USP37: variants seen among roughly 807,000 people sequenced by gnomAD.
The protein encoded by USP37 is ubiquitin specific peptidase 37.
A neutral mutation model predicts 124.0 loss-of-function variants in USP37; 27 were observed. The ratio of observed to expected loss-of-function variants is 0.22; its 90% CI spans 0.16 to 0.30. The LOEUF is 0.30. USP37 is among the 10% of genes least tolerant of loss of function. USP37 has a pLI of 1.00. For synonymous variants in USP37, 365 were observed against 388.0 expected (o/e 0.94, Z 0.70); for missense variants, 889 against 1,140.4 (o/e 0.78, Z 3.17).
chr2:218,458,023 G>A (rs1254374640), intron 23 of USP37, among the ~76,000 whole-genome samples: 5 of 124,496 alleles, frequency 4.0e-5, no homozygotes, highest in African/African-American at 1.6e-4. Flanking sequence ...CTGGGCGACA[G>A]AGCAAGACTC....
Position 218,454,756 on chromosome 2 carries a change from T to A in USP37, c.*174A>T. The A allele has an allele frequency of 7.4e-7, 1 of 1,352,774 alleles. No individual in the cohort carries two copies. Among genetic ancestry groups the A allele is most frequent in the Non-Finnish European group, 9.7e-7 (1 of 1,031,780 alleles). The allele number at this position is 1,352,774 out of a possible 1,614,324, so 83.8% of individuals were successfully genotyped here. A position where few individuals can be genotyped will look rare whatever the true frequency, so the allele number is the denominator to read the frequency against. ...TACGGATGTGAGACCAAAGTTTCCA[T>A]AAAATAGCATGGAGCATTCTACGTT... On this transcript the variant is annotated 3_prime_UTR_variant, in exon 26 of 26. Coordinates refer to ENST00000258399, the MANE Select transcript of USP37 (RefSeq NM_020935.3).
At chr2:218,553,764 G>A in intron 4 of USP37, 40 bp from the exon 5 acceptor site, 1 of 1,562,642 alleles carries the variant, frequency 6.4e-7, no homozygotes, top group Non-Finnish European at 8.7e-7. Context: ...AAAAATGTAT[G>A]ACAACTAAGT....
intron 20 of USP37, among the ~76,000 whole-genome samples, chr2:218,469,751 A>T (rs1690566043): frequency 6.6e-6 from 1 of 151,984 alleles, no homozygotes; most frequent in Non-Finnish European, 1.5e-5. Context: ...GCCATGAAAT[A>T]ATAATCCACT....
At chr2:218,460,091 CAA>C (rs55945023) in intron 22 of USP37, among the ~76,000 whole-genome samples, 186 bp from the exon 23 acceptor site, 8 of 118,038 alleles carry the variant, frequency 6.8e-5, no homozygotes, top group South Asian at 2.8e-4. Flanking sequence ...ACTAAAAATA[CAA>C]AAAAAAAAAA....
intron 10 of USP37, among the ~76,000 whole-genome samples, chr2:218,526,899 C>T (rs904961883): frequency 1.2e-4 from 17 of 146,048 alleles, no homozygotes; most frequent in African/African-American, 4.0e-4. Flanking sequence ...CGCCATTCAC[C>T]CGCCTCAGCC....
chr2:218,504,636 T>C (rs963197679), intron 11 of USP37, among the ~76,000 whole-genome samples: 1 of 152,222 alleles, frequency 6.6e-6, no homozygotes. Flanking sequence ...GGTCTTGCTA[T>C]GTGGCCCAGG....
chr2:218,499,843 G>A (rs1401643158), intron 11 of USP37, among the ~76,000 whole-genome samples: 3 of 152,154 alleles, frequency 2.0e-5, no homozygotes, highest in East Asian at 3.8e-4. Context: ...GTGCAGTGGT[G>A]TGATGACAAC....
At chr2:218,486,371 T>A (rs1456670157) in intron 15 of USP37, 1 of 152,210 alleles carries the variant, frequency 6.6e-6, no homozygotes, top group Non-Finnish European at 1.5e-5. Context: ...AGCAGAGTAT[T>A]TATCTTTGGG....
intron 20 of USP37, among the ~76,000 whole-genome samples, chr2:218,467,867 G>A (rs963140698): frequency 6.6e-6 from 1 of 151,550 alleles, no homozygotes; most frequent in Admixed American, 6.6e-5. Flanking sequence ...AATTGTTAGA[G>A]CAATAACATT....
chr2:218,494,176 T>C (rs1449849285), intron 14 of USP37, among the ~76,000 whole-genome samples: 3 of 152,204 alleles, frequency 2.0e-5, no homozygotes, highest in Admixed American at 6.5e-5. Context: ...GATGCAAAAC[T>C]GTCTTTATTA....
At chr2:218,548,455 C>A (rs1243451631) in intron 6 of USP37, among the ~76,000 whole-genome samples, 1 of 152,046 alleles carries the variant, frequency 6.6e-6, no homozygotes, top group Non-Finnish European at 1.5e-5. Flanking sequence ...ATTCTCCCAC[C>A]CCAGTCTTCG....
intron 4 of USP37, among the ~76,000 whole-genome samples, chr2:218,556,667 C>T (rs556693095): frequency 6.6e-6 from 1 of 152,002 alleles, no homozygotes; most frequent in South Asian, 2.1e-4. Context: ...GTGCCCACTA[C>T]CGTGCCTGCT....
At position 218,498,275 on chromosome 2, in the gene USP37, T is replaced by C. The variant is rs1689177834; in HGVS notation, c.1026-118A>G. On this transcript the variant is annotated intron_variant, in intron 11 of 25. Transcript: ENST00000258399. ...CACCTGGAGGGCTTGTTAAACTACA[T>C]ATTACTACACCCTAACCCCAAGGTT... 5.6e-6 allele frequency: 6 copies of C among 1,078,076 alleles called. No homozygotes were observed. In the South Asian group the frequency reaches 9.1e-5, roughly 16 times the overall value. 66.8% of individuals were successfully genotyped at this position (1,078,076 alleles called of 1,614,324 possible). A position where few individuals can be genotyped will look rare whatever the true frequency, so the allele number is the denominator to read the frequency against.
intron 1 of USP37, among the ~76,000 whole-genome samples, chr2:218,563,181 A>G (rs1693405093): frequency 6.9e-6 from 1 of 145,756 alleles, no homozygotes; most frequent in Non-Finnish European, 1.5e-5. Flanking sequence ...AAAAAAAAGG[A>G]AAGTGATCGT....
At chr2:218,491,240 C>T (rs914949183) in intron 14 of USP37, among the ~76,000 whole-genome samples, 1 of 152,156 alleles carries the variant, frequency 6.6e-6, no homozygotes, top group African/African-American at 2.4e-5. Flanking sequence ...AAGATGTATA[C>T]TTCCTACTAG....
chr2:218,498,210 G>A (rs1202057267), intron 11 of USP37, 53 bp from the exon 12 acceptor site: 10 of 1,515,988 alleles, frequency 6.6e-6, no homozygotes, highest in Non-Finnish European at 6.1e-6. Context: ...CCTAAAGTAT[G>A]TTCAGTATAG....
Position 218,490,570 on chromosome 2 carries a change from C to G in USP37, c.1473-2149G>C, listed in dbSNP as rs1691874610. On this transcript the variant is annotated intron_variant, in intron 14 of 25. Coordinates refer to ENST00000258399, the MANE Select transcript of USP37 (RefSeq NM_020935.3). ...TTTAGGTAATATTCATATTTCTACCCTAATTCCCTACTGTTACAGCTAAAG... is the reference window on the plus strand; with the variant it reads ...TTTAGGTAATATTCATATTTCTACCGTAATTCCCTACTGTTACAGCTAAAG... 2.0e-5 allele frequency among the ~76,000 whole-genome samples: 3 copies of G among 152,100 alleles called. No homozygotes were observed. In the South Asian group the frequency reaches 6.2e-4, roughly 32 times the overall value.
At chr2:218,459,238 G>A (rs1689874313) in intron 23 of USP37, among the ~76,000 whole-genome samples, 1 of 152,046 alleles carries the variant, frequency 6.6e-6, no homozygotes, top group Non-Finnish European at 1.5e-5. Flanking sequence ...TTTCGCTCTT[G>A]TTGCCCAGGC....
intron 4 of USP37, among the ~76,000 whole-genome samples, chr2:218,557,845 C>A (rs371288409): frequency 7.2e-6 from 1 of 138,392 alleles, no homozygotes; most frequent in Non-Finnish European, 1.5e-5. Context: ...GCAGGAGAAT[C>A]GCTTGAACCC....
Sources: allele counts gnomAD v4.1 joint callset (sites outside exome capture counted in the v4.1 genomes callset), GRCh38; gene constraint gnomAD v4.1.1; transcripts MANE v1.5; gene names NCBI Gene and HGNC (gene_info 2026-07-23, HGNC 2026-07-21).